Variants in CFAP54 observed in about 807,000 individuals in gnomAD.
The protein encoded by CFAP54 is cilia- and flagella-associated protein 54.
Under a neutral mutation model 370.4 loss-of-function variants are expected in CFAP54, and 290 were observed. That is an observed-to-expected ratio of 0.78 (90% CI 0.71 to 0.86). CFAP54 has a LOEUF of 0.86. Among genes scored for constraint, CFAP54 ranks in the 40% least tolerant of loss-of-function variants. The pLI is 0.00. For synonymous variants in CFAP54, 1,206 were observed against 1,236.5 expected (o/e 0.98, Z 0.52); for missense variants, 3,399 against 3,528.7 (o/e 0.96, Z 0.93).
At chr12:96,726,460 C>T (rs546070149) in intron 50 of CFAP54, among the ~76,000 whole-genome samples, 3 of 152,220 alleles carry the variant, frequency 2.0e-5, no homozygotes, top group African/African-American at 4.8e-5. Flanking sequence ...AGTTTATTTG[C>T]GTAGAGGTGT....
At chr12:96,502,671 C>T (rs2136349331) in intron 2 of CFAP54, among the ~76,000 whole-genome samples, 1 of 152,108 alleles carries the variant, frequency 6.6e-6, no homozygotes, top group East Asian at 1.9e-4. Context: ...CCAGTTCAAC[C>T]TTGGGCAGTT....
chr12:96,566,506 G>T (rs754658646), intron 19 of CFAP54, among the ~76,000 whole-genome samples: 6 of 152,106 alleles, frequency 3.9e-5, no homozygotes, highest in African/African-American at 9.7e-5. Flanking sequence ...TAAAAAAAAT[G>T]AAGGTATGAG....
rs147468248 is a variant in CFAP54 at position 96,501,442 on chromosome 12, T to C, written c.423+503T>C. Among the ~76,000 whole-genome samples, 16 of 152,360 alleles carry C rather than the reference T, an allele frequency of 1.1e-4. No homozygotes were observed. The East Asian group carries it at 2.9e-3, about 28-fold the overall frequency. ...TATAACAGTCATTCCATACATACCC[T>C]GTTTCTTGCTCAGTATTGTATTCCA... On this transcript the variant is annotated intron_variant, in intron 2 of 67. Transcript: ENST00000524981.
At chr12:96,557,899 A>G (rs1429523884) in intron 17 of CFAP54, among the ~76,000 whole-genome samples, 2 of 152,152 alleles carry the variant, frequency 1.3e-5, no homozygotes, top group Non-Finnish European at 2.9e-5. Context: ...TCAGGTATGC[A>G]GGTAGTCCAT....
chr12:96,816,018 T>C (rs1958970917), intron 64 of CFAP54, among the ~76,000 whole-genome samples: 1 of 152,218 alleles, frequency 6.6e-6, no homozygotes, highest in Non-Finnish European at 1.5e-5. Flanking sequence ...TTTGTTCTTT[T>C]TGCTTAGTAC....
intron 17 of CFAP54, among the ~76,000 whole-genome samples, chr12:96,559,442 C>T (rs980692278): frequency 2.6e-5 from 4 of 152,076 alleles, no homozygotes; most frequent in African/African-American, 7.2e-5. Context: ...AAACTGTTCC[C>T]TCCAACTTTT....
chr12:96,525,644 A>G lies in CFAP54; in HGVS notation c.1159-1602A>G, dbSNP rs1333467361. On this transcript the variant is annotated intron_variant, in intron 8 of 67. Transcript: ENST00000524981. ...TAACCTAAATAAAAATCTTAGGAAA[A>G]ACTCTTACCTCTGTAAGAAAAGAGA... Among the ~76,000 whole-genome samples, 6 of 152,272 alleles carry G rather than the reference A, an allele frequency of 3.9e-5. No individual in the cohort carries two copies. In the East Asian group the frequency reaches 1.2e-3, roughly 29 times the overall value.
intron 20 of CFAP54, among the ~76,000 whole-genome samples, chr12:96,579,321 CAA>C (rs934200494): frequency 2.6e-5 from 4 of 152,008 alleles, no homozygotes; most frequent in African/African-American, 9.7e-5. Context: ...TTTGGAAAGA[CAA>C]AGATGCGGAA....
rs987689330 is a variant in CFAP54, at chr12:96,756,559, T to C, written c.7942T>C (p.Ser2648Pro). The change falls in exon 57 of 68, where the codon TCA (serine) becomes CCA (proline). Residue 2648 changes from serine (S) to proline (P), a missense_variant. Around this residue, in one of 3 missense-constraint regions of CFAP54, gnomAD observed 2,796 missense variants for 2,869.7 expected, o/e 0.97. Coordinates refer to ENST00000524981, the MANE Select transcript of CFAP54 (RefSeq NM_001306084.2). ...ACTAAGCCTGAAAAATGATCAAAAC[T>C]CAGGGTAAAAAGATATTCCATTGTT... Reference protein sequence around the residue: ...IQLSLKNDQNSGLIRDSYLEM... With the variant: ...IQLSLKNDQNPGLIRDSYLEM... The C allele has an allele frequency of 3.2e-6, 5 of 1,585,470 alleles. No individual in the cohort carries two copies. In the Admixed American group the frequency reaches 8.6e-5, roughly 27 times the overall value.
intron 2 of CFAP54, among the ~76,000 whole-genome samples, chr12:96,503,574 A>G (rs1360484792): frequency 6.6e-6 from 1 of 152,048 alleles, no homozygotes; most frequent in African/African-American, 2.4e-5. Context: ...GATGATGCTG[A>G]ATTTTGGAAC....
intron 3 of CFAP54, among the ~76,000 whole-genome samples, chr12:96,505,272 C>G (rs1955086711): frequency 6.6e-6 from 1 of 151,846 alleles, no homozygotes; most frequent in Non-Finnish European, 1.5e-5. Context: ...CCATGTCGGT[C>G]AGGGTGGTCT....
intron 42 of CFAP54, 44 bp from the exon 43 acceptor site, chr12:96,688,872 G>A: frequency 2.5e-6 from 3 of 1,208,084 alleles, no homozygotes; most frequent in Non-Finnish European, 3.6e-6. Flanking sequence ...AAATGTTTTT[G>A]GAAAATTTCT....
intron 66 of CFAP54, among the ~76,000 whole-genome samples, chr12:96,845,278 A>G (rs1291044633): frequency 6.6e-6 from 1 of 152,232 alleles, no homozygotes; most frequent in African/African-American, 2.4e-5. Context: ...ATATAGTAGT[A>G]TGCATGTAGC....
intron 43 of CFAP54, 48 bp from the exon 44 acceptor site, chr12:96,691,080 G>T: frequency 6.5e-7 from 1 of 1,534,950 alleles, no homozygotes; most frequent in Admixed American, 1.9e-5. Context: ...TTTCATTATT[G>T]AAAATGCTAT....
intron 66 of CFAP54, among the ~76,000 whole-genome samples, chr12:96,829,623 A>C (rs1959164757): frequency 6.6e-6 from 1 of 151,940 alleles, no homozygotes; most frequent in Admixed American, 6.6e-5. Context: ...GTACATACAT[A>C]TTTCATTCTT....
At chr12:96,689,615 C>T (rs1749096218) in intron 43 of CFAP54, among the ~76,000 whole-genome samples, 2 of 151,998 alleles carry the variant, frequency 1.3e-5, no homozygotes, top group Non-Finnish European at 2.9e-5. Context: ...CTTAGGTTAC[C>T]TCATCTCTAA....
chr12:96,494,796 G>A lies in CFAP54; in HGVS notation c.317+4870G>A, dbSNP rs535305339. On this transcript the variant is annotated intron_variant, in intron 1 of 67. Transcript: ENST00000524981. ...GGCTGGAGTGCAATGACGCAATCTC[G>A]GCTCTCTGCAGCTTCCGCCTCCCGG... 3.0e-4 allele frequency among the ~76,000 whole-genome samples: 45 copies of A among 150,532 alleles called. No individual in the cohort carries two copies. The South Asian group carries it at 7.8e-3, about 26-fold the overall frequency.
intron 4 of CFAP54, among the ~76,000 whole-genome samples, chr12:96,508,506 G>T (rs930010559): frequency 2.6e-5 from 4 of 151,018 alleles, no homozygotes; most frequent in Admixed American, 6.6e-5. Context: ...GGCTGGTCTT[G>T]AACTCCTGAC....
intron 39 of CFAP54, among the ~76,000 whole-genome samples, chr12:96,675,476 T>C (rs1196817677): frequency 2.0e-5 from 3 of 152,290 alleles, no homozygotes; most frequent in East Asian, 1.9e-4. Flanking sequence ...AGGAACACTT[T>C]TACACTGTTG....
Sources: allele counts gnomAD v4.1 joint callset (sites outside exome capture counted in the v4.1 genomes callset), GRCh38; gene constraint gnomAD v4.1.1; regional missense constraint gnomAD v4.1.1; transcripts MANE v1.5; gene names NCBI Gene and HGNC (gene_info 2026-07-23, HGNC 2026-07-21).